Variants in MGAT4C observed in about 807,000 individuals in gnomAD.
MGAT4C encodes the protein alpha-1,3-mannosyl-glycoprotein 4-beta-N-acetylglucosaminyltransferase C.
In MGAT4C, 19 loss-of-function variants were observed where a neutral mutation model predicts 40.1. The observed-to-expected ratio is 0.47, with a 90% CI of 0.33 to 0.70. The LOEUF is 0.70. Ranked by LOEUF, MGAT4C falls within the 30% of genes least tolerant of loss-of-function variation. The pLI, the probability that MGAT4C is intolerant of heterozygous loss-of-function variation, is 0.02. For missense variants in MGAT4C, 491 were observed against 563.2 expected (o/e 0.87, Z 1.30); for synonymous variants, 181 against 187.1 (o/e 0.97, Z 0.27).
chr12:86,492,586 C>T (rs1424877156), intron 2 of MGAT4C, among the ~76,000 whole-genome samples: 1 of 152,158 alleles, frequency 6.6e-6, no homozygotes, highest in Non-Finnish European at 1.5e-5. Context: ...GGAAAACTGG[C>T]TAGCCATATG....
intron 1 of MGAT4C, among the ~76,000 whole-genome samples, chr12:86,249,405 T>G (rs1186355455): frequency 1.3e-5 from 2 of 152,186 alleles, no homozygotes; most frequent in African/African-American, 4.8e-5. Context: ...AAGTAGAATG[T>G]GTTGACCATT....
chr12:86,303,451 G>A (rs959326788), intron 4 of MGAT4C, among the ~76,000 whole-genome samples: 5 of 149,894 alleles, frequency 3.3e-5, no homozygotes, highest in Admixed American at 1.3e-4. Context: ...AGTTCCATTC[G>A]AAAATTCTAT....
At chr12:86,039,183 G>T (rs944488477) in intron 2 of MGAT4C, among the ~76,000 whole-genome samples, 1 of 152,084 alleles carries the variant, frequency 6.6e-6, no homozygotes, top group Non-Finnish European at 1.5e-5. Flanking sequence ...TGGTGAATCT[G>T]ATGATTATGT....
At chr12:86,412,987 C>T (rs191987987) in intron 3 of MGAT4C, among the ~76,000 whole-genome samples, 317 of 152,270 alleles carry the variant, frequency 2.1e-3, no homozygotes, top group African/African-American at 7.2e-3. Context: ...CCTTCACTCT[C>T]TTCCTCCTGC....
intron 4 of MGAT4C, among the ~76,000 whole-genome samples, chr12:86,287,679 C>G (rs1358234018): frequency 6.6e-6 from 1 of 152,168 alleles, no homozygotes; most frequent in African/African-American, 2.4e-5. Flanking sequence ...CTGCAAAGGA[C>G]ATGAACTCAT....
At chr12:86,644,679 A>T (rs1963485938) in intron 2 of MGAT4C, among the ~76,000 whole-genome samples, 1 of 151,762 alleles carries the variant, frequency 6.6e-6, no homozygotes, top group Non-Finnish European at 1.5e-5. Context: ...TTGTAGACTG[A>T]CGAATAGATC....
At chr12:86,380,370 A>G (rs984926616) in intron 3 of MGAT4C, among the ~76,000 whole-genome samples, 1 of 152,164 alleles carries the variant, frequency 6.6e-6, no homozygotes. Context: ...AATCCTTAAC[A>G]GAAAAAACTG....
intron 2 of MGAT4C, among the ~76,000 whole-genome samples, chr12:86,527,051 T>C (rs1958897685): frequency 6.6e-6 from 1 of 152,192 alleles, no homozygotes; most frequent in Non-Finnish European, 1.5e-5. Flanking sequence ...CTGTCCACTC[T>C]TGGTGCATTC....
intron 2 of MGAT4C, among the ~76,000 whole-genome samples, chr12:86,543,008 C>T (rs1314090071): frequency 7.9e-5 from 12 of 151,944 alleles, no homozygotes; most frequent in Admixed American, 3.3e-4. Flanking sequence ...TAATATATTC[C>T]TAAGTCTAAC....
chr12:86,260,350 T>G (rs1223117429), upstream of MGAT4C, among the ~76,000 whole-genome samples: 2 of 152,176 alleles, frequency 1.3e-5, no homozygotes, highest in Non-Finnish European at 2.9e-5. Context: ...AACTCGTTTC[T>G]CAATGTACCC....
At chr12:86,697,545 C>T (rs1950280043) in intron 2 of MGAT4C, among the ~76,000 whole-genome samples, 1 of 152,014 alleles carries the variant, frequency 6.6e-6, no homozygotes. Flanking sequence ...AATGTAATCA[C>T]CCAAAGGGTC....
At chr12:86,112,866 A>G (rs1430576625) in intron 1 of MGAT4C, among the ~76,000 whole-genome samples, 3 of 151,766 alleles carry the variant, frequency 2.0e-5, no homozygotes, top group Non-Finnish European at 4.4e-5. Context: ...ATAGGAAACA[A>G]AAAGAAAGGT....
At chr12:86,425,450 C>A (rs930320105) in intron 3 of MGAT4C, among the ~76,000 whole-genome samples, 3 of 152,158 alleles carry the variant, frequency 2.0e-5, no homozygotes, top group African/African-American at 4.8e-5. Flanking sequence ...CACCTTGCTA[C>A]TCCTTCACTT....
At chr12:86,430,614 T>C (rs1957017169) in intron 3 of MGAT4C, among the ~76,000 whole-genome samples, 2 of 152,056 alleles carry the variant, frequency 1.3e-5, no homozygotes, top group Admixed American at 6.6e-5. Flanking sequence ...CTGTGATGGA[T>C]TTTGAGGTCA....
In MGAT4C at chr12:86,157,822, G is replaced by A. The variant is rs771561125; in HGVS notation, c.-57+98417C>T. ...ATCATGAGAACAGCGTGGGGGAAAC[G>A]GCCCCCATAATCCTATAACTTCCCA... On this transcript the variant is annotated intron_variant, in intron 1 of 4. Transcript: ENST00000611864. Among the ~76,000 whole-genome samples, 19 of 152,008 alleles carry A rather than the reference G, an allele frequency of 1.2e-4. 1 individual carries two copies. Among genetic ancestry groups the A allele is most frequent in the Non-Finnish European group, 2.4e-4 (16 of 68,012 alleles).
intron 4 of MGAT4C, among the ~76,000 whole-genome samples, chr12:86,306,169 C>T (rs1196967542): frequency 6.7e-6 from 1 of 150,266 alleles, no homozygotes; most frequent in Non-Finnish European, 1.5e-5. Flanking sequence ...CTATAAACCT[C>T]AAGATTCACC....
chr12:86,120,410 G>A (rs1450576054), intron 1 of MGAT4C, among the ~76,000 whole-genome samples: 1 of 152,064 alleles, frequency 6.6e-6, no homozygotes, highest in Non-Finnish European at 1.5e-5. Context: ...CCAGCACGCA[G>A]CTTGAGATCT....
Position 86,432,063 on chromosome 12 carries a change from G to T in MGAT4C, c.-120+3094C>A, listed in dbSNP as rs73387826. On this transcript the variant is annotated intron_variant, in intron 3 of 7. Coordinates refer to the MGAT4C transcript ENST00000548651. ...CTACCAAAGAAACAGGAAGAGAAAAGAAACAAAACAAAGTTAGGAGAGTGT... is the reference window on the plus strand; with the variant it reads ...CTACCAAAGAAACAGGAAGAGAAAATAAACAAAACAAAGTTAGGAGAGTGT... Among the ~76,000 whole-genome samples, 198 of 152,002 alleles carry T rather than the reference G, an allele frequency of 1.3e-3. 1 individual carries two copies. Among genetic ancestry groups the T allele is most frequent in the African/African-American group, 4.6e-3 (192 of 41,486 alleles).
intron 1 of MGAT4C, among the ~76,000 whole-genome samples, chr12:86,775,111 T>C (rs996054258): frequency 2.0e-5 from 3 of 152,168 alleles, no homozygotes; most frequent in African/African-American, 7.2e-5. Flanking sequence ...AGCCATGAAA[T>C]AGACATTGCA....
Sources: allele counts gnomAD v4.1 joint callset (sites outside exome capture counted in the v4.1 genomes callset), GRCh38; gene constraint gnomAD v4.1.1; transcripts MANE v1.5; gene names NCBI Gene and HGNC (gene_info 2026-07-23, HGNC 2026-07-21).